NOVA2: variants seen among roughly 807,000 people sequenced by gnomAD.
NOVA2 encodes the protein RNA-binding protein Nova-2.
Under a neutral mutation model 22.5 loss-of-function variants are expected in NOVA2, and 9 were observed. That is an observed-to-expected ratio of 0.40 (90% confidence interval 0.24 to 0.70). NOVA2 has a LOEUF of 0.70. Ranked by LOEUF, NOVA2 falls within the 30% of genes least tolerant of loss-of-function variation. The pLI is 0.38. For synonymous variants in NOVA2, 318 were observed against 335.2 expected, an observed-to-expected ratio of 0.95 and a Z score of 0.56; for missense variants, 383 against 682.8, an observed-to-expected ratio of 0.56 and a Z score of 4.89.
At chr19:45,971,913 A>G (rs1968237278) in intron 1 of NOVA2, among the ~76,000 whole-genome samples, 1 of 151,872 alleles carries the variant, frequency 6.6e-6, no homozygotes, top group Non-Finnish European at 1.5e-5. Flanking sequence ...CTTCTCTGGT[A>G]CACACACCTC....
intron 3 of NOVA2, among the ~76,000 whole-genome samples, chr19:45,946,846 G>T (rs1248038179): frequency 6.7e-6 from 1 of 148,308 alleles, no homozygotes; most frequent in Non-Finnish European, 1.5e-5. Context: ...CTGCATTCCA[G>T]CCTGGTGAGT....
At chr19:45,964,453 A>G (rs565933744) in intron 1 of NOVA2, among the ~76,000 whole-genome samples, 8 of 150,396 alleles carry the variant, frequency 5.3e-5, no homozygotes, top group Non-Finnish European at 1.2e-4. Context: ...ATGTGCTGAG[A>G]TTACAGGGGT....
In NOVA2 at chr19:45,949,858, A is replaced by G. The variant is rs1402179657; in HGVS notation, c.396+3922T>C. 7.3e-5 allele frequency among the ~76,000 whole-genome samples: 11 copies of G among 150,430 alleles called. No individual in the cohort carries two copies. The East Asian group carries it at 2.2e-3, about 30-fold the overall frequency. ...CAGGTTCAAGTGATTCTCCTGCCTCAGCCGCTGGGGTAGCTGGGATTACAG... is the reference window on the plus strand; with the variant it reads ...CAGGTTCAAGTGATTCTCCTGCCTCGGCCGCTGGGGTAGCTGGGATTACAG... On this transcript the variant is annotated intron_variant, in intron 3 of 3. Transcript: ENST00000263257.
At chr19:45,969,437 G>A (rs1193981945) in intron 1 of NOVA2, among the ~76,000 whole-genome samples, 1 of 142,088 alleles carries the variant, frequency 7.0e-6, no homozygotes, top group Non-Finnish European at 1.5e-5. Flanking sequence ...ATCCTGAGAG[G>A]TCAAGGTTGC....
chr19:45,962,965 T>A (rs1968117693), intron 1 of NOVA2, among the ~76,000 whole-genome samples: 1 of 152,150 alleles, frequency 6.6e-6, no homozygotes, highest in South Asian at 2.1e-4. Context: ...AACCAGTTTT[T>A]TTGACCATGT....
In NOVA2 at chr19:45,940,164, C is replaced by T; in HGVS notation, c.1178G>A (p.Gly393Asp). 6.3e-7 allele frequency: 1 copy of T among 1,596,896 alleles called. No homozygotes were observed. The highest frequency in any genetic ancestry group is 8.5e-7 in the Non-Finnish European group (1 of 1,176,108). Reference protein sequence around the residue: ...AAAAAAGAAGGFLTAEKLAAE... With the variant: ...AAAAAAGAAGDFLTAEKLAAE... The stretch of plus-strand genomic sequence containing the variant: ...CGCCAGCTTCTCCGCCGTCAGGAAG[C>T]CCCCGGCCGCCCCGGCCGCGGCTGC... Residue 393 changes from glycine (G) to aspartate (D), a missense_variant, in exon 4 of 4, where the codon GGC (glycine) becomes GAC (aspartate). Transcript: ENST00000263257.
intron 1 of NOVA2, among the ~76,000 whole-genome samples, chr19:45,972,546 C>T (rs1488088292): frequency 3.9e-5 from 6 of 152,146 alleles, no homozygotes; most frequent in East Asian, 1.9e-4. Flanking sequence ...CCTTGTCACA[C>T]GTACCCGCTG....
At chr19:45,954,012 G>T in intron 2 of NOVA2, 66 bp from the exon 3 acceptor site, 1 of 1,553,510 alleles carries the variant, frequency 6.4e-7, no homozygotes, top group Admixed American at 1.7e-5. Context: ...TGAGAGACAG[G>T]CCCCATTTAA....
intron 3 of NOVA2, among the ~76,000 whole-genome samples, chr19:45,951,826 AT>A (rs1156314930): frequency 6.6e-6 from 1 of 152,022 alleles, no homozygotes; most frequent in Non-Finnish European, 1.5e-5. Context: ...AATAATAATA[AT>A]AAAGCATTTT....
In NOVA2 at chr19:45,947,534, C is replaced by T. The variant is rs1364832264; in HGVS notation, c.396+6246G>A. On this transcript the variant is annotated intron_variant, in intron 3 of 3. Coordinates refer to ENST00000263257, the MANE Select transcript of NOVA2 (RefSeq NM_002516.4). ...TTTTGCCCAGGCTAGAGTGCAGTGG[C>T]GCAATCTCAGCTCACTGCAACCTCC... 6.6e-5 allele frequency among the ~76,000 whole-genome samples: 10 copies of T among 150,408 alleles called. No individual in the cohort carries two copies. In the East Asian group the frequency reaches 1.6e-3, roughly 23 times the overall value.
intron 3 of NOVA2, among the ~76,000 whole-genome samples, chr19:45,943,268 C>T (rs575323674): frequency 7.9e-5 from 12 of 151,416 alleles, no homozygotes; most frequent in African/African-American, 2.7e-4. Context: ...GTTGGCCAGG[C>T]CAGTCTCGAA....
chr19:45,969,137 C>T (rs757623289), intron 1 of NOVA2, among the ~76,000 whole-genome samples: 5 of 151,816 alleles, frequency 3.3e-5, no homozygotes, highest in Admixed American at 2.0e-4. Flanking sequence ...CCAGCCCGGG[C>T]GATACAGCGA....
intron 2 of NOVA2, among the ~76,000 whole-genome samples, chr19:45,958,540 ACT>A (rs1968045876): frequency 1.4e-5 from 2 of 146,066 alleles, no homozygotes; most frequent in South Asian, 4.4e-4. Flanking sequence ...AGTGTGTGTG[ACT>A]GTGTGTAAGC....
chr19:45,963,197 A>G (rs753330681), intron 1 of NOVA2, among the ~76,000 whole-genome samples: 18 of 151,924 alleles, frequency 1.2e-4, no homozygotes, highest in Non-Finnish European at 2.2e-4. Flanking sequence ...TGGCCAACAT[A>G]GTGAAACTCC....
chr19:45,954,473 T>C (rs774300964), intron 2 of NOVA2, among the ~76,000 whole-genome samples: 24 of 151,588 alleles, frequency 1.6e-4, no homozygotes, highest in Non-Finnish European at 3.1e-4. Context: ...CCTGCAGCGT[T>C]GGCCTCTGGG....
chr19:45,954,149 C>G (rs1253639658), intron 2 of NOVA2, among the ~76,000 whole-genome samples: 1 of 152,190 alleles, frequency 6.6e-6, no homozygotes, highest in East Asian at 1.9e-4. Context: ...GTTTTATAAT[C>G]TGCACTTCAT....
chr19:45,940,248 T>C lies in NOVA2; in HGVS notation c.1094A>G (p.Tyr365Cys). Residue 365 changes from tyrosine to cysteine, a missense_variant, in exon 4 of 4, where the codon TAC becomes TGC. Physicochemically the swap from Tyr to Cys is radical, Grantham distance 194. This residue lies in a region of NOVA2 where 349 missense variants were observed against 578.1 expected (regional missense o/e 0.60). Transcript: ENST00000263257. ...CCCGCCGCCCGCCCCGGCCCCGAGG[T>C]AGCCGTTGGCGGCTGCGGCCAACGC... is the stretch of plus-strand genomic sequence containing the variant. Reference protein sequence around the residue: ...SFALAAAANGYLGAGAGGGAG... With the variant: ...SFALAAAANGCLGAGAGGGAG... The C allele has an allele frequency of 4.6e-6, 5 of 1,089,448 alleles. No individual in the cohort carries two copies. Among genetic ancestry groups the C allele is most frequent in the Non-Finnish European group, 5.5e-6 (5 of 900,924 alleles). The allele number at this position is 1,089,448 out of a possible 1,614,324, so 67.5% of individuals were successfully genotyped here. A position where few individuals can be genotyped will look rare whatever the true frequency, so the allele number is the denominator to read the frequency against.
chr19:45,965,642 G>A (rs1300839905), intron 1 of NOVA2, among the ~76,000 whole-genome samples: 1 of 152,004 alleles, frequency 6.6e-6, no homozygotes, highest in East Asian at 1.9e-4. Flanking sequence ...GGGCAGGAGA[G>A]TCGTTTGAAC....
In NOVA2 at chr19:45,939,597, A is replaced by T; in HGVS notation, c.*266T>A. Reference sequence around the variant, plus strand: ...ATCACACAGACCTGGGCCCTGGGACAGGAAGGGTCAGGCCCAGCCAAGCAC... The same window carrying T: ...ATCACACAGACCTGGGCCCTGGGACTGGAAGGGTCAGGCCCAGCCAAGCAC... On this transcript the variant is annotated 3_prime_UTR_variant, in exon 4 of 4. Coordinates refer to ENST00000263257, the MANE Select transcript of NOVA2 (RefSeq NM_002516.4). 2.0e-6 allele frequency: 1 copy of T among 494,540 alleles called. No homozygotes were observed. Among genetic ancestry groups the T allele is most frequent in the South Asian group, 2.7e-5 (1 of 37,498 alleles). The allele number at this position is 494,540 out of a possible 1,614,324, so 30.6% of individuals were successfully genotyped here. A position where few individuals can be genotyped will look rare whatever the true frequency, so the allele number is the denominator to read the frequency against.
Sources: gnomAD v4.1 joint callset for allele counts (sites outside exome capture counted in the v4.1 genomes callset) on GRCh38, gnomAD v4.1.1 for gene constraint, gnomAD v4.1.1 regional missense constraint, MANE v1.5 for transcripts, NCBI Gene and HGNC (gene_info 2026-07-23, HGNC 2026-07-21) for gene names.